Variants in CCDC178 observed in about 807,000 individuals in gnomAD.
The protein encoded by CCDC178 is coiled-coil domain containing 178.
In CCDC178, 126 loss-of-function variants were observed where a neutral mutation model predicts 117.4. That is an observed-to-expected ratio of 1.07 (90% confidence interval 0.93 to 1.24). The LOEUF (loss-of-function observed/expected upper bound fraction) is 1.24. Ranked by LOEUF, CCDC178 falls within the 50% of genes most tolerant of loss-of-function variation. The pLI is 0.00. For synonymous variants in CCDC178, 283 were observed against 313.4 expected, an observed-to-expected ratio of 0.90 and a Z score of 1.02; for missense variants, 1,030 against 986.9, an observed-to-expected ratio of 1.04 and a Z score of -0.59.
rs142520912 is a variant in CCDC178 at position 33,314,714 on chromosome 18, G to T, written c.1022+8777C>A. Among the ~76,000 whole-genome samples the T allele has an allele frequency of 1.1e-3, 168 of 152,246 alleles. 1 individual carries two copies. Among genetic ancestry groups the T allele is most frequent in the African/African-American group, 3.8e-3 (159 of 41,542 alleles). On this transcript the variant is annotated intron_variant, in intron 11 of 22. Transcript: ENST00000383096. ...TGGATACTATGCTTACTTAAAACCT[G>T]CAGATGGGGGAGACCACAAGATCAT...
At chr18:33,145,777 G>T (rs2058260116) in intron 20 of CCDC178, among the ~76,000 whole-genome samples, 1 of 152,172 alleles carries the variant, frequency 6.6e-6, no homozygotes, top group Non-Finnish European at 1.5e-5. Context: ...CAGTTGTGAT[G>T]GTGGAACCAG....
chr18:33,268,554 CT>C (rs1285840113), intron 12 of CCDC178, among the ~76,000 whole-genome samples: 22 of 151,878 alleles, frequency 1.4e-4, no homozygotes, highest in African/African-American at 5.1e-4. Flanking sequence ...CTTGCATAAT[CT>C]TGGGCTAAAG....
chr18:33,164,330 C>T (rs1359524476), intron 20 of CCDC178, among the ~76,000 whole-genome samples: 1 of 151,828 alleles, frequency 6.6e-6, no homozygotes, highest in African/African-American at 2.4e-5. Context: ...AGCTCCCAAC[C>T]TCAGGTGATC....
intron 12 of CCDC178, among the ~76,000 whole-genome samples, chr18:33,290,234 GC>G (rs1469977917): frequency 6.6e-6 from 1 of 152,112 alleles, no homozygotes; most frequent in Non-Finnish European, 1.5e-5. Context: ...TATGCAAATT[GC>G]CCATATATTA....
At chr18:33,054,187 T>C (rs2056789713) in intron 21 of CCDC178, among the ~76,000 whole-genome samples, 1 of 152,206 alleles carries the variant, frequency 6.6e-6, no homozygotes, top group African/African-American at 2.4e-5. Flanking sequence ...TGAACTGAGT[T>C]CACTTCGCAA....
intron 20 of CCDC178, among the ~76,000 whole-genome samples, chr18:33,158,021 C>A (rs1235210716): frequency 6.6e-5 from 10 of 152,108 alleles, no homozygotes; most frequent in Non-Finnish European, 1.5e-4. Context: ...CTTAGACTAA[C>A]TGGAATGATT....
At chr18:33,238,184 G>A (rs1358290803) in intron 15 of CCDC178, among the ~76,000 whole-genome samples, 5 of 152,038 alleles carry the variant, frequency 3.3e-5, no homozygotes, top group South Asian at 2.1e-4. Context: ...CCATAAAATC[G>A]GAAGAGCCAA....
chr18:32,988,864 AAAATG>A (rs2055327833), intron 21 of CCDC178, among the ~76,000 whole-genome samples: 1 of 152,134 alleles, frequency 6.6e-6, no homozygotes, highest in South Asian at 2.1e-4. Flanking sequence ...TAGTAAATTT[AAAATG>A]AAATGAAATA....
chr18:33,237,266 G>A (rs72949134), intron 15 of CCDC178, among the ~76,000 whole-genome samples: 17,843 of 152,128 alleles, frequency 0.12, 1,467 homozygotes, highest in East Asian at 0.34. Flanking sequence ...TGCACATCAT[G>A]GAAACCAACC....
At chr18:33,321,790 T>C (rs1378222935) in intron 11 of CCDC178, among the ~76,000 whole-genome samples, 1 of 151,964 alleles carries the variant, frequency 6.6e-6, no homozygotes, top group Non-Finnish European at 1.5e-5. Context: ...GAGTAAGTTA[T>C]GTGGTAGTTT....
intron 20 of CCDC178, among the ~76,000 whole-genome samples, chr18:33,176,326 A>G (rs906431984): frequency 2.0e-5 from 3 of 152,110 alleles, no homozygotes; most frequent in African/African-American, 7.2e-5. Flanking sequence ...TCATTGACAC[A>G]CCCATTTGTG....
rs1167259919 is a variant in CCDC178, at chr18:33,286,122, C to T, written c.1176+7037G>A. On this transcript the variant is annotated intron_variant, in intron 12 of 22. Transcript: ENST00000383096. ...CTGAGCAGCTGGGACTACAGGTGTGCACCACCACACTGGGCTAATTTTTGT... is the reference window on the plus strand; with the variant it reads ...CTGAGCAGCTGGGACTACAGGTGTGTACCACCACACTGGGCTAATTTTTGT... 5.9e-5 allele frequency among the ~76,000 whole-genome samples: 9 copies of T among 151,786 alleles called. No individual in the cohort carries two copies. The East Asian group carries it at 1.2e-3, about 20-fold the overall frequency.
At chr18:33,276,412 G>C (rs919492600) in intron 12 of CCDC178, among the ~76,000 whole-genome samples, 7 of 152,164 alleles carry the variant, frequency 4.6e-5, no homozygotes, top group African/African-American at 1.7e-4. Context: ...AGAGTTGGCA[G>C]TTGGATTCAG....
At chr18:33,113,127 G>A (rs893022219) in intron 20 of CCDC178, among the ~76,000 whole-genome samples, 2 of 151,816 alleles carry the variant, frequency 1.3e-5, no homozygotes, top group Non-Finnish European at 2.9e-5. Flanking sequence ...GAAAACACAT[G>A]CTCAATTAAG....
At chr18:33,238,430 A>C (rs1227489833) in intron 15 of CCDC178, among the ~76,000 whole-genome samples, 1 of 152,076 alleles carries the variant, frequency 6.6e-6, no homozygotes, top group African/African-American at 2.4e-5. Context: ...TTTGAATGAT[A>C]AATACAACAA....
chr18:33,327,905 C>T (rs985663480), intron 10 of CCDC178, among the ~76,000 whole-genome samples: 1 of 151,852 alleles, frequency 6.6e-6, no homozygotes, highest in African/African-American at 2.4e-5. Context: ...GAACTATATC[C>T]GTTTGAGATA....
intron 3 of CCDC178, among the ~76,000 whole-genome samples, chr18:33,405,992 G>A (rs2065016901): frequency 6.6e-6 from 1 of 151,986 alleles, no homozygotes; most frequent in Non-Finnish European, 1.5e-5. Context: ...TAAATGATAG[G>A]AAGACGGAAT....
In CCDC178 at chr18:33,267,309, G is replaced by A; in HGVS notation, c.1177-12C>T. ...CTCAAATCTTCCAGCTAAGAAAGAA[G>A]ATATACAGAACAAAGTGAATTGTAT... On this transcript the variant is annotated splice_polypyrimidine_tract_variant and intron_variant, in intron 12 of 22. Coordinates refer to ENST00000383096, the MANE Select transcript of CCDC178 (RefSeq NM_001105528.4). 6.6e-7 allele frequency: 1 copy of A among 1,505,218 alleles called. No individual in the cohort carries two copies. Among genetic ancestry groups the A allele is most frequent in the Non-Finnish European group, 9.1e-7 (1 of 1,100,058 alleles). 93.2% of individuals were successfully genotyped at this position (1,505,218 alleles called of 1,614,324 possible). A position where few individuals can be genotyped will look rare whatever the true frequency, so the allele number is the denominator to read the frequency against.
At chr18:33,168,344 G>A (rs769257044) in intron 20 of CCDC178, among the ~76,000 whole-genome samples, 11 of 151,964 alleles carry the variant, frequency 7.2e-5, no homozygotes, top group Admixed American at 1.3e-4. Context: ...ATAGAGAGTC[G>A]TCTTCCTATT....
Sources: gnomAD v4.1 joint callset for allele counts (sites outside exome capture counted in the v4.1 genomes callset) on GRCh38, gnomAD v4.1.1 for gene constraint, MANE v1.5 for transcripts, NCBI Gene and HGNC (gene_info 2026-07-23, HGNC 2026-07-21) for gene names.